The following DOCK1 variants were observed in gnomAD, a reference collection of about 807,000 sequenced individuals.
DOCK1 encodes dedicator of cytokinesis 1.
DOCK1 carries 138 observed loss-of-function variants against 262.7 expected under a neutral mutation model. The observed-to-expected ratio is 0.53, with a 90% CI of 0.46 to 0.61. The LOEUF is 0.61. Ranked by LOEUF, DOCK1 falls within the 20% of genes least tolerant of loss-of-function variation. DOCK1 has a pLI of 0.00. For synonymous variants in DOCK1, 866 were observed against 867.4 expected, an observed-to-expected ratio of 1.00 and a Z score of 0.03; for missense variants, 1,908 against 2,370.7, an observed-to-expected ratio of 0.80 and a Z score of 4.05.
intron 27 of DOCK1, among the ~76,000 whole-genome samples, chr10:127,230,065 T>C (rs908485818): frequency 2.6e-5 from 4 of 152,256 alleles, no homozygotes; most frequent in African/African-American, 9.6e-5. Flanking sequence ...GCCACACATG[T>C]ACTAAATATG....
At chr10:127,133,720 C>T (rs181038845) in intron 27 of DOCK1, among the ~76,000 whole-genome samples, 3 of 152,330 alleles carry the variant, frequency 2.0e-5, no homozygotes, top group African/African-American at 7.2e-5. Context: ...CAAAACCAGA[C>T]TGCCTTAAGT....
At chr10:127,237,659 G>A (rs527889607) in intron 27 of DOCK1, among the ~76,000 whole-genome samples, 5 of 152,254 alleles carry the variant, frequency 3.3e-5, no homozygotes, top group African/African-American at 1.2e-4. Context: ...TTAAATCTCT[G>A]TACTACTCCC....
chr10:127,127,301 A>G (rs2050024749), intron 26 of DOCK1, among the ~76,000 whole-genome samples: 1 of 152,258 alleles, frequency 6.6e-6, no homozygotes, highest in Non-Finnish European at 1.5e-5. Context: ...GTGCAGAACC[A>G]TCTAGGACTG....
chr10:127,220,650 A>G (rs1355187976), intron 27 of DOCK1, among the ~76,000 whole-genome samples: 4 of 151,922 alleles, frequency 2.6e-5, no homozygotes, highest in Non-Finnish European at 1.5e-5. Context: ...TGGATGGAGG[A>G]GCGATCGGTG....
chr10:127,069,352 G>C (rs1471709672), intron 23 of DOCK1, among the ~76,000 whole-genome samples: 1 of 152,250 alleles, frequency 6.6e-6, no homozygotes, highest in African/African-American at 2.4e-5. Flanking sequence ...CGAGAACTCC[G>C]GTGCGTTCCA....
At chr10:127,208,373 A>G (rs2057817120) in intron 27 of DOCK1, among the ~76,000 whole-genome samples, 1 of 152,230 alleles carries the variant, frequency 6.6e-6, no homozygotes, top group African/African-American at 2.4e-5. Flanking sequence ...TGATTGATTT[A>G]GTATTTCATG....
intron 23 of DOCK1, among the ~76,000 whole-genome samples, chr10:127,073,884 C>G (rs990496126): frequency 1.3e-5 from 2 of 152,146 alleles, no homozygotes; most frequent in Admixed American, 1.3e-4. Context: ...TGCAGCTATT[C>G]TTTGGAGCTG....
intron 31 of DOCK1, 77 bp from the exon 32 acceptor site, chr10:127,354,592 C>A: frequency 6.4e-7 from 1 of 1,563,350 alleles, no homozygotes; most frequent in Admixed American, 1.7e-5. Flanking sequence ...GCTTTAATTG[C>A]ACTTAAAAAT....
At chr10:127,163,813 T>A (rs2133714453) in intron 27 of DOCK1, among the ~76,000 whole-genome samples, 1 of 151,330 alleles carries the variant, frequency 6.6e-6, no homozygotes, top group South Asian at 2.1e-4. Context: ...TTTTTTTTTT[T>A]TTTTTGCCCT....
chr10:127,285,658 T>A (rs1052529699), intron 29 of DOCK1, among the ~76,000 whole-genome samples: 13 of 152,140 alleles, frequency 8.5e-5, no homozygotes, highest in Non-Finnish European at 4.4e-5. Context: ...CAGGGAGTGG[T>A]CATGTGGAAG....
At chr10:127,432,755 T>G (rs1409977215) in intron 47 of DOCK1, among the ~76,000 whole-genome samples, 1 of 152,188 alleles carries the variant, frequency 6.6e-6, no homozygotes, top group Non-Finnish European at 1.5e-5. Flanking sequence ...CAGCAGCGGT[T>G]TCACCTACTC....
chr10:127,218,622 G>A (rs765126196), intron 27 of DOCK1, among the ~76,000 whole-genome samples: 18 of 152,154 alleles, frequency 1.2e-4, no homozygotes, highest in African/African-American at 2.2e-4. Flanking sequence ...ACACATGACC[G>A]TATGGACTCT....
intron 27 of DOCK1, among the ~76,000 whole-genome samples, chr10:127,201,187 C>T (rs998358394): frequency 5.9e-5 from 9 of 152,226 alleles, no homozygotes; most frequent in Admixed American, 2.0e-4. Context: ...TGCCGAGAAG[C>T]CCTGCAGGAA....
chr10:127,210,542 G>T (rs910850029), intron 27 of DOCK1, among the ~76,000 whole-genome samples: 1 of 152,190 alleles, frequency 6.6e-6, no homozygotes, highest in African/African-American at 2.4e-5. Context: ...CGAAGCAGAG[G>T]GGTTTCTTTT....
intron 29 of DOCK1, among the ~76,000 whole-genome samples, chr10:127,337,619 G>A (rs2063258308): frequency 6.6e-6 from 1 of 152,168 alleles, no homozygotes; most frequent in Non-Finnish European, 1.5e-5. Flanking sequence ...TAATGGACAA[G>A]GCAGCAATGC....
At chr10:127,108,879 C>G (rs1043840158) in intron 24 of DOCK1, among the ~76,000 whole-genome samples, 6 of 152,160 alleles carry the variant, frequency 3.9e-5, no homozygotes, top group African/African-American at 1.4e-4. Context: ...AATAACTTGT[C>G]CATGATAATT....
At position 127,301,932 on chromosome 10, in the gene DOCK1, C is replaced by T. The variant is rs1309733032; in HGVS notation, c.3045-37074C>T. ...CTGCACTCCAGCCTGGGTGAGAGAA[C>T]GAGACTCCATCTCAAAAAAAAAAAA... is the stretch of plus-strand genomic sequence containing the variant. On this transcript the variant is annotated intron_variant, in intron 29 of 51. Transcript: ENST00000623213. Among the ~76,000 whole-genome samples the T allele has an allele frequency of 7.7e-5, 11 of 142,694 alleles. No individual in the cohort carries two copies. In the South Asian group the frequency reaches 1.3e-3, roughly 17 times the overall value. 93.6% of individuals were successfully genotyped at this position (142,694 alleles called of 152,430 possible).
At chr10:127,234,812 T>TAAGAGC (rs1343085160) in intron 27 of DOCK1, among the ~76,000 whole-genome samples, 2 of 151,584 alleles carry the variant, frequency 1.3e-5, no homozygotes, top group African/African-American at 4.8e-5. Context: ...TATATAAGTG[T>TAAGAGC]AAGAGCAAGA....
chr10:127,211,408 C>T (rs2057967403), intron 27 of DOCK1, among the ~76,000 whole-genome samples: 1 of 152,178 alleles, frequency 6.6e-6, no homozygotes, highest in Non-Finnish European at 1.5e-5. Flanking sequence ...TCATCTACTG[C>T]CCTTAGCAAA....
Sources: gnomAD v4.1 joint callset for allele counts (sites outside exome capture counted in the v4.1 genomes callset) on GRCh38, gnomAD v4.1.1 for gene constraint, MANE v1.5 for transcripts, NCBI Gene and HGNC (gene_info 2026-07-23, HGNC 2026-07-21) for gene names.